CEP128: variants seen among roughly 807,000 people sequenced by gnomAD.
CEP128 encodes the protein centrosomal protein 128kDa.
In CEP128, 132 loss-of-function variants were observed where a neutral mutation model predicts 156.7. That is an observed-to-expected ratio of 0.84 (90% CI 0.73 to 0.97). The LOEUF (loss-of-function observed/expected upper bound fraction) is 0.97, where lower values mean the gene tolerates loss of function less well. CEP128 is among the 50% of genes least tolerant of loss of function. The pLI is 0.00. For synonymous variants in CEP128, 469 were observed against 448.9 expected, an observed-to-expected ratio of 1.04 and a Z score of -0.57; for missense variants, 1,252 against 1,281.9, an observed-to-expected ratio of 0.98 and a Z score of 0.36.
chr14:80,562,297 C>CA lies in CEP128; in HGVS notation c.2857-2996dup, dbSNP rs1333222883. Among the ~76,000 whole-genome samples, 4 of 151,870 alleles carry CA rather than the reference C, an allele frequency of 2.6e-5. No individual in the cohort carries two copies. In the East Asian group the frequency reaches 7.8e-4, roughly 30 times the overall value. On this transcript the variant is annotated intron_variant, in intron 20 of 24. Coordinates refer to ENST00000555265, the MANE Select transcript of CEP128 (RefSeq NM_152446.5). The stretch of plus-strand genomic sequence containing the variant: ...AGCTTTCAATAAAAAAACTGTATGT[C>CA]AAAAAACATGAGGAAATTAGAGAAA...
chr14:80,889,712 A>G (rs1888991880), intron 8 of CEP128, among the ~76,000 whole-genome samples: 1 of 152,208 alleles, frequency 6.6e-6, no homozygotes, highest in Admixed American at 6.5e-5. Flanking sequence ...GGACTTAGGC[A>G]TGGGTAAAGA....
At chr14:80,794,080 C>T (rs1901860964) in intron 13 of CEP128, among the ~76,000 whole-genome samples, 1 of 152,060 alleles carries the variant, frequency 6.6e-6, no homozygotes, top group Non-Finnish European at 1.5e-5. Flanking sequence ...ACAAAAGTAA[C>T]ATAAAAAGGT....
At chr14:80,548,563 T>C (rs1438808796) in intron 21 of CEP128, among the ~76,000 whole-genome samples, 1 of 152,328 alleles carries the variant, frequency 6.6e-6, no homozygotes, top group African/African-American at 2.4e-5. Flanking sequence ...ATTTCTTACA[T>C]GTGTTGTATT....
chr14:80,789,377 G>A (rs1048552093), intron 14 of CEP128, among the ~76,000 whole-genome samples: 22 of 152,106 alleles, frequency 1.4e-4, no homozygotes, highest in African/African-American at 5.3e-4. Context: ...AATTACAGAT[G>A]AAGATAAAAT....
At chr14:80,834,551 T>C (rs1885975569) in intron 12 of CEP128, among the ~76,000 whole-genome samples, 2 of 152,310 alleles carry the variant, frequency 1.3e-5, no homozygotes, top group Admixed American at 6.5e-5. Flanking sequence ...ACTCTACAAT[T>C]GTTAAACGGT....
At chr14:80,764,362 G>A (rs1236556058) in intron 16 of CEP128, among the ~76,000 whole-genome samples, 6 of 152,072 alleles carry the variant, frequency 3.9e-5, no homozygotes, top group Non-Finnish European at 1.5e-5. Flanking sequence ...AGCCGGGCGC[G>A]GTGGCAGGCG....
At chr14:80,814,843 G>A (rs1884757336) in intron 13 of CEP128, among the ~76,000 whole-genome samples, 1 of 152,156 alleles carries the variant, frequency 6.6e-6, no homozygotes, top group South Asian at 2.1e-4. Context: ...CAAATCACGA[G>A]GTCAGGAGTT....
At chr14:80,916,670 T>A in intron 2 of CEP128, 108 bp from the exon 3 acceptor site, 1 of 844,486 alleles carries the variant, frequency 1.2e-6, no homozygotes, top group Non-Finnish European at 1.8e-6. Flanking sequence ...AATACATTAG[T>A]AATTTTGCAC....
At chr14:80,929,253 C>T (rs1885318323) in intron 2 of CEP128, among the ~76,000 whole-genome samples, 2 of 152,126 alleles carry the variant, frequency 1.3e-5, no homozygotes, top group Admixed American at 6.5e-5. Context: ...AATGAGAATG[C>T]TTATACACTA....
In CEP128 at chr14:80,672,542, GC is replaced by G. The variant is rs1312007649; in HGVS notation, c.2806+70532del. Among the ~76,000 whole-genome samples the G allele has an allele frequency of 2.6e-5, 4 of 152,290 alleles. No individual in the cohort carries two copies. The East Asian group carries it at 7.7e-4, about 29-fold the overall frequency. ...TGTGCATGTGTGTGTAGGAACGGAA[GC>G]CATAATAATTTTGACCCAAATATAT... is the stretch of plus-strand genomic sequence containing the variant. On this transcript the variant is annotated intron_variant, in intron 19 of 24. Transcript: ENST00000555265.
In CEP128 at chr14:80,498,926, G is replaced by A. The variant is rs563676158; in HGVS notation, c.3182-1344C>T. Reference sequence around the variant, plus strand: ...GGATTTTCTAGCTGGTTTCTGGAGCGCCTCTAGAGAGTACCTTGTCAACTT... The same window carrying A: ...GGATTTTCTAGCTGGTTTCTGGAGCACCTCTAGAGAGTACCTTGTCAACTT... On this transcript the variant is annotated intron_variant, in intron 24 of 24. Coordinates refer to ENST00000555265, the MANE Select transcript of CEP128 (RefSeq NM_152446.5). Among the ~76,000 whole-genome samples the A allele has an allele frequency of 7.9e-5, 12 of 152,276 alleles. No individual in the cohort carries two copies. In the East Asian group the frequency reaches 2.1e-3, roughly 27 times the overall value.
chr14:80,836,395 A>T, intron 11 of CEP128, 58 bp from the exon 12 acceptor site: 1 of 1,598,056 alleles, frequency 6.3e-7, no homozygotes, highest in East Asian at 2.2e-5. Context: ...GACCTACTTC[A>T]AATGGGCTAT....
chr14:80,511,892 T>G (rs906257169), intron 23 of CEP128, among the ~76,000 whole-genome samples: 1 of 152,046 alleles, frequency 6.6e-6, no homozygotes, highest in Admixed American at 6.6e-5. Flanking sequence ...TGTGTTTGTA[T>G]AGTTTCCAAA....
At chr14:80,557,448 C>T (rs973440022) in intron 21 of CEP128, among the ~76,000 whole-genome samples, 9 of 152,282 alleles carry the variant, frequency 5.9e-5, no homozygotes, top group South Asian at 2.1e-4. Context: ...GTTGCATAAG[C>T]GGCATTTTGT....
intron 19 of CEP128, among the ~76,000 whole-genome samples, chr14:80,658,501 T>C (rs188822368): frequency 1.2e-4 from 18 of 152,334 alleles, no homozygotes; most frequent in Admixed American, 1.0e-3. Flanking sequence ...AGAGACTCAG[T>C]ATATCACTTG....
intron 1 of CEP128, among the ~76,000 whole-genome samples, chr14:80,940,268 A>C (rs914030283): frequency 2.0e-5 from 3 of 152,252 alleles, no homozygotes; most frequent in Non-Finnish European, 4.4e-5. Context: ...ATACGCTGAG[A>C]GAACATAGGC....
chr14:80,603,434 T>A (rs1892657204), intron 19 of CEP128, among the ~76,000 whole-genome samples: 1 of 152,224 alleles, frequency 6.6e-6, no homozygotes, highest in Admixed American at 6.5e-5. Flanking sequence ...GATAGCTGCA[T>A]GACCTTGTGA....
chr14:80,898,514 A>T (rs1211628513), intron 7 of CEP128, among the ~76,000 whole-genome samples: 1 of 152,326 alleles, frequency 6.6e-6, no homozygotes, highest in East Asian at 1.9e-4. Flanking sequence ...CTAACAGCCC[A>T]GTCCAATATT....
chr14:80,823,673 C>T (rs1233932561), intron 13 of CEP128, among the ~76,000 whole-genome samples: 1 of 151,986 alleles, frequency 6.6e-6, no homozygotes, highest in East Asian at 1.9e-4. Flanking sequence ...CATGCTGATG[C>T]AAGAGGTGGG....
Sources: allele counts gnomAD v4.1 joint callset (sites outside exome capture counted in the v4.1 genomes callset), GRCh38; gene constraint gnomAD v4.1.1; transcripts MANE v1.5; gene names NCBI Gene and HGNC (gene_info 2026-07-23, HGNC 2026-07-21).